Variants in MSRA observed in about 807,000 individuals in gnomAD.
MSRA encodes the protein methionine sulfoxide reductase A.
In MSRA, 54 loss-of-function variants were observed where a neutral mutation model predicts 31.3. The ratio of observed to expected loss-of-function variants is 1.73; its 90% CI spans 1.39 to 2.17. MSRA has a LOEUF of 2.17. MSRA is among the 30% of genes most tolerant of loss of function. The probability of loss-of-function intolerance (pLI) is 0.00; values close to 1 mark genes in which losing one functional copy is unlikely to be tolerated. For missense variants in MSRA, 507 were observed against 300.9 expected, an observed-to-expected ratio of 1.69 and a Z score of -5.07; for synonymous variants, 169 against 116.5, an observed-to-expected ratio of 1.45 and a Z score of -2.90.
chr8:10,196,538 A>G (rs1808004213), intron 1 of MSRA, among the ~76,000 whole-genome samples: 1 of 151,994 alleles, frequency 6.6e-6, no homozygotes, highest in Non-Finnish European at 1.5e-5. Context: ...TACCTTTTCT[A>G]AAAAATGTAT....
At chr8:10,393,040 C>T (rs562279948) in intron 5 of MSRA, among the ~76,000 whole-genome samples, 4 of 130,184 alleles carry the variant, frequency 3.1e-5, no homozygotes, top group South Asian at 2.4e-4. Context: ...CCAGCCTGGA[C>T]GACTGAGCGA....
At chr8:10,343,076 T>C (rs996328155) in intron 5 of MSRA, among the ~76,000 whole-genome samples, 4 of 145,224 alleles carry the variant, frequency 2.8e-5, no homozygotes, top group Non-Finnish European at 6.2e-5. Flanking sequence ...CACACACACA[T>C]TTTAGCTTCC....
intron 2 of MSRA, among the ~76,000 whole-genome samples, chr8:10,208,611 C>T (rs1809217113): frequency 6.6e-6 from 1 of 152,046 alleles, no homozygotes; most frequent in South Asian, 2.1e-4. Flanking sequence ...TTGGGCCCAT[C>T]TCCCACCTCC....
chr8:10,082,402 C>T (rs1400466738), intron 1 of MSRA, among the ~76,000 whole-genome samples: 4 of 152,130 alleles, frequency 2.6e-5, no homozygotes, highest in Admixed American at 1.3e-4. Context: ...TTCACAGCTT[C>T]TCCCTGCTTG....
intron 2 of MSRA, among the ~76,000 whole-genome samples, chr8:10,211,620 C>T (rs188904127): frequency 3.3e-5 from 5 of 152,244 alleles, no homozygotes; most frequent in Admixed American, 2.6e-4. Context: ...TTTAGAGCGC[C>T]CGCCCTGTGT....
intron 1 of MSRA, among the ~76,000 whole-genome samples, chr8:10,168,408 C>T (rs1464722268): frequency 6.6e-6 from 1 of 152,156 alleles, no homozygotes; most frequent in Non-Finnish European, 1.5e-5. Flanking sequence ...TGGGCATCTC[C>T]AGCACAGCCA....
chr8:10,305,802 C>G (rs961203804), intron 4 of MSRA, among the ~76,000 whole-genome samples: 2 of 152,110 alleles, frequency 1.3e-5, no homozygotes, highest in Admixed American at 1.3e-4. Context: ...AGGCCCGAGA[C>G]CTGTTATTCC....
chr8:10,277,887 TTATC>T (rs1196030448), intron 3 of MSRA, among the ~76,000 whole-genome samples: 6 of 152,186 alleles, frequency 3.9e-5, no homozygotes, highest in Non-Finnish European at 8.8e-5. Context: ...CAATTTTTAT[TTATC>T]AATAAAAACA....
chr8:10,154,587 C>G (rs561508964), intron 1 of MSRA, among the ~76,000 whole-genome samples: 2 of 152,100 alleles, frequency 1.3e-5, no homozygotes, highest in Non-Finnish European at 2.9e-5. Context: ...CCGTGTTAGT[C>G]AGGATGGTCT....
intron 1 of MSRA, among the ~76,000 whole-genome samples, chr8:10,117,462 TG>T (rs1800769759): frequency 6.6e-6 from 1 of 152,222 alleles, no homozygotes; most frequent in Non-Finnish European, 1.5e-5. Context: ...CTTGTCCCCA[TG>T]GAAGTGTGAA....
chr8:10,308,879 A>G (rs1405327618), intron 4 of MSRA, among the ~76,000 whole-genome samples: 2 of 152,220 alleles, frequency 1.3e-5, no homozygotes, highest in South Asian at 2.1e-4. Flanking sequence ...AGTGATGCCT[A>G]CTTCATAGGG....
At chr8:10,092,410 G>A (rs1482704503) in intron 1 of MSRA, among the ~76,000 whole-genome samples, 1 of 152,164 alleles carries the variant, frequency 6.6e-6, no homozygotes, top group Non-Finnish European at 1.5e-5. Context: ...TGTAATCCCA[G>A]CAGTTTGGGA....
rs899002661 is a variant in MSRA, at chr8:10,250,391, C to A, written c.331+5168C>A. 4 of 700,878 alleles carry A rather than the reference C, an allele frequency of 5.7e-6. No individual in the cohort carries two copies. The East Asian group carries it at 8.0e-5, about 14-fold the overall frequency. The allele number at this position is 700,878 out of a possible 1,614,324, so 43.4% of individuals were successfully genotyped here. A position where few individuals can be genotyped will look rare whatever the true frequency, so the allele number is the denominator to read the frequency against. ...CAAGAAAACCCAGGATGTTCATTCA[C>A]TGGGTAATATCTTTTCATATTTTGC... On this transcript the variant is annotated intron_variant, in intron 3 of 5. Transcript: ENST00000317173.
intron 5 of MSRA, among the ~76,000 whole-genome samples, chr8:10,412,163 C>T (rs1808196808): frequency 6.6e-6 from 1 of 152,232 alleles, no homozygotes; most frequent in South Asian, 2.1e-4. Flanking sequence ...AGCCCCTATA[C>T]AGTCATAAGG....
intron 5 of MSRA, among the ~76,000 whole-genome samples, chr8:10,397,984 A>G (rs9657538): frequency 0.32 from 48,462 of 152,100 alleles, 10,853 homozygotes; most frequent in East Asian, 0.76. Context: ...AACATCACCA[A>G]TATAAAAGGT....
intron 1 of MSRA, among the ~76,000 whole-genome samples, chr8:10,109,103 C>T (rs886172740): frequency 6.6e-6 from 1 of 152,130 alleles, no homozygotes; most frequent in Non-Finnish European, 1.5e-5. Context: ...GTTTCTTCCT[C>T]TTGGCATTAA....
Position 10,301,599 on chromosome 8 carries a change from C to A in MSRA, c.397C>A (p.Leu133Met), listed in dbSNP as rs767409132. 1.2e-6 allele frequency: 2 copies of A among 1,614,098 alleles called. No individual in the cohort carries two copies. The highest frequency in any genetic ancestry group is 2.2e-5 in the East Asian group (1 of 44,876). The change falls in exon 4 of 6, where the codon CTG becomes ATG. Residue 133 changes from leucine to methionine, a missense_variant. Leu to Met is a conservative substitution (Grantham distance 15). Transcript: ENST00000317173. ...YQPEHMSFEELLKVFWENHDP... is the reference protein window; with the variant it reads ...YQPEHMSFEEMLKVFWENHDP... ...GCCAGAACACATGAGTTTTGAGGAA[C>A]TGCTCAAGGTCTTCTGGGAGAATCA...
intron 5 of MSRA, among the ~76,000 whole-genome samples, chr8:10,418,026 C>G (rs779424149): frequency 1.3e-5 from 2 of 152,110 alleles, no homozygotes; most frequent in Admixed American, 6.5e-5. Context: ...TCAAGTTGAC[C>G]TCTTAGAAGC....
At chr8:10,184,772 T>C (rs1316775579) in intron 1 of MSRA, among the ~76,000 whole-genome samples, 1 of 152,178 alleles carries the variant, frequency 6.6e-6, no homozygotes, top group Non-Finnish European at 1.5e-5. Flanking sequence ...TTAGTTTACA[T>C]GTCAAAGGAC....
Sources: allele counts gnomAD v4.1 joint callset (sites outside exome capture counted in the v4.1 genomes callset), GRCh38; gene constraint gnomAD v4.1.1; transcripts MANE v1.5; gene names NCBI Gene and HGNC (gene_info 2026-07-23, HGNC 2026-07-21).